The following GPAT3 variants were observed in gnomAD, a reference collection of about 807,000 sequenced individuals.
GPAT3 encodes glycerol-3-phosphate acyltransferase 3.
GPAT3 carries 53 observed loss-of-function variants against 58.8 expected under a neutral mutation model. The ratio of observed to expected loss-of-function variants is 0.90; its 90% CI spans 0.72 to 1.13. The LOEUF is 1.13. Among genes scored for constraint, GPAT3 ranks in the 50% most tolerant of loss-of-function variants. The pLI, the probability that GPAT3 is intolerant of heterozygous loss-of-function variation, is 0.00. For synonymous variants in GPAT3, 197 were observed against 187.4 expected (o/e 1.05, Z -0.42); for missense variants, 511 against 527.6 (o/e 0.97, Z 0.31).
At chr4:83,553,095 T>C (rs74512066) in intron 2 of GPAT3, among the ~76,000 whole-genome samples, 12,667 of 152,280 alleles carry the variant, frequency 0.083, 597 homozygotes, top group Middle Eastern at 0.11. Context: ...TATAGCAGCC[T>C]GAAGTGACTA....
At chr4:83,538,544 A>G (rs1267115006) in intron 1 of GPAT3, among the ~76,000 whole-genome samples, 1 of 152,166 alleles carries the variant, frequency 6.6e-6, no homozygotes, top group Non-Finnish European at 1.5e-5. Context: ...TTTGGAATTT[A>G]TACCCTGTGT....
chr4:83,572,609 G>A (rs947946580), intron 2 of GPAT3, among the ~76,000 whole-genome samples: 3 of 152,076 alleles, frequency 2.0e-5, no homozygotes, highest in Non-Finnish European at 4.4e-5. Context: ...TCATCTTCAT[G>A]TATATCCTTT....
Position 83,536,198 on chromosome 4 carries a change from A to AG in GPAT3, c.-422dup. 1.0e-6 allele frequency: 1 copy of AG among 987,390 alleles called. No homozygotes were observed. The highest frequency in any genetic ancestry group is 1.2e-6 in the Non-Finnish European group (1 of 831,366). The allele number at this position is 987,390 out of a possible 1,614,324, so 61.2% of individuals were successfully genotyped here. A position where few individuals can be genotyped will look rare whatever the true frequency, so the allele number is the denominator to read the frequency against. ...CTCCCGCAGGGAACCTGGCTCGGGGAGGGCCTCCGTGAGTCATCTGCTGAG... is the reference window on the plus strand; with the variant it reads ...CTCCCGCAGGGAACCTGGCTCGGGGAGGGGCCTCCGTGAGTCATCTGCTGAG... On this transcript the variant is annotated 5_prime_UTR_variant, in exon 1 of 12. Coordinates refer to ENST00000264409, the MANE Select transcript of GPAT3 (RefSeq NM_032717.5).
At chr4:83,602,975 G>A (rs940295367) in intron 11 of GPAT3, among the ~76,000 whole-genome samples, 2 of 152,100 alleles carry the variant, frequency 1.3e-5, no homozygotes, top group Admixed American at 1.3e-4. Flanking sequence ...ACTTATTGCT[G>A]TGTCTTAGAT....
intron 2 of GPAT3, among the ~76,000 whole-genome samples, chr4:83,563,403 A>T (rs1725252902): frequency 6.7e-6 from 1 of 148,728 alleles, no homozygotes. Flanking sequence ...GTATCTCTCC[A>T]TTGTTTCTTT....
At chr4:83,604,636 T>C (rs1406742804) in intron 11 of GPAT3, 32 bp from the exon 12 acceptor site, 2 of 1,556,828 alleles carry the variant, frequency 1.3e-6, no homozygotes, top group African/African-American at 1.4e-5. Context: ...CGCTGTAAAG[T>C]ATCTTTTATG....
chr4:83,570,471 CT>C (rs11417042), intron 2 of GPAT3, among the ~76,000 whole-genome samples: 21,545 of 126,472 alleles, frequency 0.17, 1,380 homozygotes, highest in East Asian at 0.27. Context: ...TGGGAGAACT[CT>C]TTTTTTTTTT....
chr4:83,604,721 A>C lies in GPAT3; in HGVS notation c.1259A>C (p.Gln420Pro), dbSNP rs199560928. The C allele has an allele frequency of 5.0e-6, 8 of 1,614,092 alleles. No homozygotes were observed. Residue 420 changes from glutamine to proline, a missense_variant, in exon 12 of 12, where the codon CAG becomes CCG. Transcript: ENST00000264409. ...KVKDIFKEEQ[Q>P]KNYSKMIVGN... is the part of the protein sequence containing the mutation. The stretch of plus-strand genomic sequence containing the variant: ...AAGGACATCTTTAAGGAAGAGCAGC[A>C]GAAAAATTACAGCAAGATGATTGTG...
At chr4:83,546,370 G>A (rs1052158331) in intron 2 of GPAT3, among the ~76,000 whole-genome samples, 6 of 141,596 alleles carry the variant, frequency 4.2e-5, no homozygotes, top group South Asian at 2.3e-4. Flanking sequence ...GTCTAGTAGC[G>A]TGGATTTAGT....
At chr4:83,559,704 T>A (rs1321690263) in intron 2 of GPAT3, among the ~76,000 whole-genome samples, 1 of 152,218 alleles carries the variant, frequency 6.6e-6, no homozygotes, top group Non-Finnish European at 1.5e-5. Context: ...CCTTTTCTTC[T>A]TTCTCTAAAA....
intron 3 of GPAT3, among the ~76,000 whole-genome samples, chr4:83,585,448 A>T (rs112022377): frequency 1.3e-5 from 2 of 151,594 alleles, no homozygotes; most frequent in Admixed American, 1.3e-4. Flanking sequence ...GTATTTTTAA[A>T]TAAAAATATT....
Position 83,583,667 on chromosome 4 carries a change from G to GAAAAAAAAA in GPAT3, c.479+1857_479+1865dup, listed in dbSNP as rs749976752. 1.9e-3 allele frequency among the ~76,000 whole-genome samples: 44 copies of GAAAAAAAAA among 23,472 alleles called. 2 individuals are homozygous for GAAAAAAAAA. The highest frequency in any genetic ancestry group is 8.0e-3 in the African/African-American group (42 of 5,228). The allele number at this position is 23,472 out of a possible 152,430, so 15.4% of individuals were successfully genotyped here. ...GGGTGACAGAGCGAGACTCTTGTCTGAAAAAAAAAAAAAAAAAAAAAAAAA... is the reference window on the plus strand; with the variant it reads ...GGGTGACAGAGCGAGACTCTTGTCTGAAAAAAAAAAAAAAAAAAAAAAAAAAAAAAAAAA... On this transcript the variant is annotated intron_variant, in intron 3 of 11. Coordinates refer to ENST00000264409, the MANE Select transcript of GPAT3 (RefSeq NM_032717.5).
chr4:83,536,075 C>T (rs1285096845), upstream of GPAT3: 2 of 985,394 alleles, frequency 2.0e-6, no homozygotes, highest in Non-Finnish European at 2.4e-6. Flanking sequence ...GGGCAGCGCG[C>T]AGAAATAGGG....
chr4:83,559,405 C>T (rs924767187), intron 2 of GPAT3, among the ~76,000 whole-genome samples: 9 of 152,066 alleles, frequency 5.9e-5, no homozygotes, highest in African/African-American at 2.2e-4. Context: ...CTCACTGCAA[C>T]CCCTGCTTCC....
chr4:83,569,112 T>C (rs1395012575), intron 2 of GPAT3, among the ~76,000 whole-genome samples: 1 of 152,218 alleles, frequency 6.6e-6, no homozygotes, highest in Non-Finnish European at 1.5e-5. Context: ...CATAGATCTG[T>C]TGTTTGTATC....
chr4:83,554,258 G>T (rs975418651), intron 2 of GPAT3, among the ~76,000 whole-genome samples: 4 of 152,288 alleles, frequency 2.6e-5, no homozygotes, highest in Admixed American at 6.5e-5. Context: ...CTCCCAGAGT[G>T]CTCAGATTAA....
intron 2 of GPAT3, among the ~76,000 whole-genome samples, chr4:83,573,778 A>G (rs908446515): frequency 1.3e-5 from 2 of 152,178 alleles, no homozygotes; most frequent in African/African-American, 4.8e-5. Flanking sequence ...CTCCCTGCCC[A>G]ATTTTAAAAT....
At chr4:83,581,095 CAA>C (rs35894737) in intron 2 of GPAT3, among the ~76,000 whole-genome samples, 10 of 70,268 alleles carry the variant, frequency 1.4e-4, no homozygotes, top group African/African-American at 6.3e-4. Flanking sequence ...GACTCCGTCT[CAA>C]AAAAAAAAAA....
intron 2 of GPAT3, among the ~76,000 whole-genome samples, chr4:83,579,116 T>TTCCG (rs1273254412): frequency 8.0e-6 from 1 of 124,248 alleles, no homozygotes; most frequent in Admixed American, 8.6e-5. Context: ...CCTTCCTTCC[T>TTCCG]TCCTTCCTTC....
Sources: gnomAD v4.1 joint callset for allele counts (sites outside exome capture counted in the v4.1 genomes callset) on GRCh38, gnomAD v4.1.1 for gene constraint, MANE v1.5 for transcripts, NCBI Gene and HGNC (gene_info 2026-07-23, HGNC 2026-07-21) for gene names.